Variants in MCIDAS observed in about 807,000 individuals in gnomAD.
The protein encoded by MCIDAS is multicilin.
In MCIDAS, 23 loss-of-function variants were observed where a neutral mutation model predicts 35.4. The observed-to-expected ratio is 0.65, with a 90% confidence interval of 0.47 to 0.92. The LOEUF (loss-of-function observed/expected upper bound fraction) is 0.92. Among genes scored for constraint, MCIDAS ranks in the 40% least tolerant of loss-of-function variants. The probability of loss-of-function intolerance (pLI) is 0.00; values close to 1 mark genes in which losing one functional copy is unlikely to be tolerated. For missense variants in MCIDAS, 480 were observed against 531.8 expected (o/e 0.90, Z 0.96); for synonymous variants, 228 against 235.2 (o/e 0.97, Z 0.28).
At chr5:55,226,796 G>T (rs1165405510) in intron 2 of MCIDAS, 39 bp downstream of exon 2, 2 of 1,386,906 alleles carry the variant, frequency 1.4e-6, no homozygotes, top group Middle Eastern at 2.2e-4. Context: ...CTCCCGGCGC[G>T]GGGAACCCGA....
intron 3 of MCIDAS, among the ~76,000 whole-genome samples, chr5:55,224,263 A>G (rs532438292): frequency 6.6e-6 from 1 of 151,998 alleles, no homozygotes; most frequent in African/African-American, 2.4e-5. Flanking sequence ...GATGCATCCA[A>G]TAGCCCACCA....
At chr5:55,222,552 C>T (rs1745381002) in intron 4 of MCIDAS, among the ~76,000 whole-genome samples, 153 bp from the exon 5 acceptor site, 1 of 152,302 alleles carries the variant, frequency 6.6e-6, no homozygotes, top group South Asian at 2.1e-4. Context: ...CGAGGCCCTT[C>T]CTGATAGCCT....
At chr5:55,221,169 G>T in intron 5 of MCIDAS, 43 bp from the exon 6 acceptor site, 1 of 1,420,072 alleles carries the variant, frequency 7.0e-7, no homozygotes, top group Non-Finnish European at 9.6e-7. Context: ...GTACTGTGCT[G>T]GGTCTCGTCT....
chr5:55,222,142 C>A, intron 5 of MCIDAS, 34 bp downstream of exon 5: 1 of 1,527,456 alleles, frequency 6.5e-7, no homozygotes, highest in South Asian at 1.2e-5. Context: ...TGTCCCTGCC[C>A]CAGGATTCCT....
chr5:55,223,891 C>G lies in MCIDAS; in HGVS notation c.310-868G>C, dbSNP rs1745410010. 6.6e-6 allele frequency among the ~76,000 whole-genome samples: 1 copy of G among 152,188 alleles called. No homozygotes were observed. Among genetic ancestry groups the G allele is most frequent in the African/African-American group, 2.4e-5 (1 of 41,446 alleles). On this transcript the variant is annotated intron_variant, in intron 3 of 6. Transcript: ENST00000513312. The surrounding 1 kb of genome is among the most constrained non-coding windows in gnomAD (Gnocchi z 4.4). ...CTCCAACATTATGAACTGTACTCTC[C>G]CGGCCTCCTGCAGAGTGTCTGGGTG...
At position 55,227,067 on chromosome 5, in the gene MCIDAS, T is replaced by C; in HGVS notation, c.72A>G (p.Ala24=). ...FDSICPNRML[A]LPGRALLCKP... Reference sequence around the variant, plus strand: ...TGCAGAGCAGCGCCCGGCCCGGCAGTGCCAGCATTCTGTTGGGGCAGATGC... The same window carrying C: ...TGCAGAGCAGCGCCCGGCCCGGCAGCGCCAGCATTCTGTTGGGGCAGATGC... Residue 24 remains alanine (A), a synonymous_variant, in exon 1 of 7, where the codon GCA becomes GCG. Transcript: ENST00000513312. The C allele has an allele frequency of 1.3e-6, 2 of 1,520,474 alleles. No homozygotes were observed. The highest frequency in any genetic ancestry group is 1.8e-6 in the Non-Finnish European group (2 of 1,140,740). The allele number at this position is 1,520,474 out of a possible 1,614,324, so 94.2% of individuals were successfully genotyped here.
At position 55,226,951 on chromosome 5, in the gene MCIDAS, T is replaced by C. The variant is rs1420928187; in HGVS notation, c.121-20A>G. ...AGCGAACTGGCCGGGCACACAAACG[T>C]TGAACGCGGGTCAGCCCTCGGGGCA... On this transcript the variant is annotated intron_variant, in intron 1 of 6. Transcript: ENST00000513312. 2.0e-6 allele frequency: 3 copies of C among 1,479,692 alleles called. No homozygotes were observed. The highest frequency in any genetic ancestry group is 2.7e-6 in the Non-Finnish European group (3 of 1,123,712). 91.7% of individuals were successfully genotyped at this position (1,479,692 alleles called of 1,614,324 possible).
Position 55,223,729 on chromosome 5 carries a change from C to T in MCIDAS, c.310-706G>A, listed in dbSNP as rs565085202. ...TAACCGCCCCACCCATGCAACCGAGCGGGAAGAAAGCTGTGATTCGAGGGG... is the reference window on the plus strand; with the variant it reads ...TAACCGCCCCACCCATGCAACCGAGTGGGAAGAAAGCTGTGATTCGAGGGG... On this transcript the variant is annotated intron_variant, in intron 3 of 6. Transcript: ENST00000513312. This position sits in a 1 kb window ranked among gnomAD's most constrained non-coding sequence, Gnocchi z 4.4. 2.6e-5 allele frequency among the ~76,000 whole-genome samples: 4 copies of T among 152,300 alleles called. No individual in the cohort carries two copies. The highest frequency in any genetic ancestry group is 4.1e-4 in the South Asian group (2 of 4,828).
In MCIDAS at chr5:55,222,172, C is replaced by G; in HGVS notation, c.606+4G>C. On this transcript the variant is annotated splice_donor_region_variant and intron_variant, in intron 5 of 6. Coordinates refer to ENST00000513312, the MANE Select transcript of MCIDAS (RefSeq NM_001190787.3). ...ATTCCTGGTCGCCAGACCAGTGTCC[C>G]TACTTGATTATTCTCAACAAGCGCG... is the stretch of plus-strand genomic sequence containing the variant. The G allele has an allele frequency of 1.3e-6, 2 of 1,534,430 alleles. No individual in the cohort carries two copies. Among genetic ancestry groups the G allele is most frequent in the Non-Finnish European group, 1.7e-6 (2 of 1,146,842 alleles).
Position 55,220,814 on chromosome 5 carries a change from A to G in MCIDAS, c.718-8T>C. The G allele has an allele frequency of 1.3e-6, 2 of 1,520,206 alleles. No individual in the cohort carries two copies. The highest frequency in any genetic ancestry group is 1.4e-5 in the African/African-American group (1 of 72,686). 94.2% of individuals were successfully genotyped at this position (1,520,206 alleles called of 1,614,324 possible). On this transcript the variant is annotated splice_polypyrimidine_tract_variant and splice_region_variant and intron_variant, in intron 6 of 6. Coordinates refer to ENST00000513312, the MANE Select transcript of MCIDAS (RefSeq NM_001190787.3). Reference sequence around the variant, plus strand: ...CTGTGTGATCATCAGCTTCTACGAAAGACAGGGAAGAGCGCCGCCCTGGGG... The same window carrying G: ...CTGTGTGATCATCAGCTTCTACGAAGGACAGGGAAGAGCGCCGCCCTGGGG...
In MCIDAS at chr5:55,223,167, C is replaced by T. The variant is rs939989536; in HGVS notation, c.310-144G>A. On this transcript the variant is annotated intron_variant, in intron 3 of 6. Transcript: ENST00000513312. This position sits in a 1 kb window ranked among gnomAD's most constrained non-coding sequence, Gnocchi z 4.4. ...ACTGCACTTGTACCCCTAAGTCCCC[C>T]CAAATAAAACAATTTTTGTGGCGGG... The T allele has an allele frequency of 3.0e-6, 2 of 665,100 alleles. No individual in the cohort carries two copies. Among genetic ancestry groups the T allele is most frequent in the Non-Finnish European group, 5.1e-6 (2 of 393,768 alleles). The allele number at this position is 665,100 out of a possible 1,614,324, so 41.2% of individuals were successfully genotyped here.
Position 55,219,871 on chromosome 5 carries a change from T to A in MCIDAS, c.*495A>T, listed in dbSNP as rs932609193. 1 of 152,310 alleles carries A rather than the reference T, an allele frequency of 6.6e-6. No homozygotes were observed. Among genetic ancestry groups the A allele is most frequent in the African/African-American group, 2.4e-5 (1 of 41,468 alleles). The allele number at this position is 152,310 out of a possible 1,614,324, so 9.4% of individuals were successfully genotyped here. A position where few individuals can be genotyped will look rare whatever the true frequency, so the allele number is the denominator to read the frequency against. Reference sequence around the variant, plus strand: ...TCAATAGTAACAAAATTAGGTGTCCTTTTAGGACGAGGGAAGTTGAGTGAT... The same window carrying A: ...TCAATAGTAACAAAATTAGGTGTCCATTTAGGACGAGGGAAGTTGAGTGAT... On this transcript the variant is annotated 3_prime_UTR_variant, in exon 7 of 7. Transcript: ENST00000513312.
Position 55,223,121 on chromosome 5 carries a change from G to A in MCIDAS, c.310-98C>T. 2.2e-6 allele frequency: 2 copies of A among 925,024 alleles called. No homozygotes were observed. Among genetic ancestry groups the A allele is most frequent in the African/African-American group, 1.6e-5 (1 of 61,128 alleles). The allele number at this position is 925,024 out of a possible 1,614,324, so 57.3% of individuals were successfully genotyped here. A position where few individuals can be genotyped will look rare whatever the true frequency, so the allele number is the denominator to read the frequency against. The stretch of plus-strand genomic sequence containing the variant: ...CTGTTAAAAATCTGGCAGGCACTAT[G>A]CAATATATGCACGTAACACAACTGC... On this transcript the variant is annotated intron_variant, in intron 3 of 6. Coordinates refer to ENST00000513312, the MANE Select transcript of MCIDAS (RefSeq NM_001190787.3). The surrounding 1 kb of genome is among the most constrained non-coding windows in gnomAD (Gnocchi z 4.4).
Position 55,222,254 on chromosome 5 carries a change from G to A in MCIDAS, c.528C>T (p.Pro176=), listed in dbSNP as rs1192071793. The change falls in exon 5 of 7, where the codon CCC becomes CCT. Residue 176 remains proline, a synonymous_variant. Transcript: ENST00000513312. The part of the protein sequence containing the change: ...QSPPLRPPDV[P]PPEQYWKEVA... ...CCTCCTTCCAGTATTGCTCAGGCGGGGGCACGTCTGGAGGGCGCAGCGGTG... is the reference window on the plus strand; with the variant it reads ...CCTCCTTCCAGTATTGCTCAGGCGGAGGCACGTCTGGAGGGCGCAGCGGTG... The A allele has an allele frequency of 1.3e-6, 2 of 1,535,956 alleles. No homozygotes were observed. Among genetic ancestry groups the A allele is most frequent in the African/African-American group, 2.7e-5 (2 of 73,058 alleles).
chr5:55,220,516 G>T lies in MCIDAS; in HGVS notation c.1008C>A (p.Asn336Lys). ...CCTCCTCCAGCTCACTGTGGCTCAG[G>T]TTCAACGCGCTCCGGCTGCAGTCTG... ...LRTDCSRSALNLSHSELEEGG... is the reference protein window; with the variant it reads ...LRTDCSRSALKLSHSELEEGG... The change falls in exon 7 of 7, where the codon AAC becomes AAA. Residue 336 changes from asparagine (N) to lysine (K), a missense_variant. Asn to Lys is a moderately conservative substitution (Grantham distance 94, BLOSUM62 0). Transcript: ENST00000513312. 6.5e-7 allele frequency: 1 copy of T among 1,536,088 alleles called. No homozygotes were observed. Among genetic ancestry groups the T allele is most frequent in the East Asian group, 2.4e-5 (1 of 40,910 alleles).
At chr5:55,226,502 G>C in intron 3 of MCIDAS, 74 bp downstream of exon 3, 2 of 1,417,418 alleles carry the variant, frequency 1.4e-6, no homozygotes, top group Non-Finnish European at 1.9e-6. Flanking sequence ...GAGCTTTTGG[G>C]GAATTAAAAC....
At position 55,227,185 on chromosome 5, in the gene MCIDAS, G is replaced by T; in HGVS notation, c.-47C>A. 7.1e-7 allele frequency: 1 copy of T among 1,403,092 alleles called. No homozygotes were observed. Among genetic ancestry groups the T allele is most frequent in the Non-Finnish European group, 9.2e-7 (1 of 1,087,894 alleles). The allele number at this position is 1,403,092 out of a possible 1,614,324, so 86.9% of individuals were successfully genotyped here. A position where few individuals can be genotyped will look rare whatever the true frequency, so the allele number is the denominator to read the frequency against. On this transcript the variant is annotated 5_prime_UTR_variant, in exon 1 of 7. Coordinates refer to ENST00000513312, the MANE Select transcript of MCIDAS (RefSeq NM_001190787.3). ...CCGACTGCTCGGAGGCGGCGGCCCG[G>T]GCTGGGGCAGCGATCCACACCCTGC... is the stretch of plus-strand genomic sequence containing the variant.
At position 55,227,244 on chromosome 5, in the gene MCIDAS, C is replaced by A. The variant is rs574614425; in HGVS notation, c.-106G>T. On this transcript the variant is annotated 5_prime_UTR_variant, in exon 1 of 7. Transcript: ENST00000513312. ...CAGTGCCTGCAGGCTCCGAAGCCAG[C>A]CAGAGGTTGGGGCAGGCGCGTGACC... 61 of 1,338,006 alleles carry A rather than the reference C, an allele frequency of 4.6e-5. No homozygotes were observed. The South Asian group carries it at 1.1e-3, about 24-fold the overall frequency. The allele number at this position is 1,338,006 out of a possible 1,614,324, so 82.9% of individuals were successfully genotyped here.
chr5:55,224,201 C>T (rs184921094), intron 3 of MCIDAS, among the ~76,000 whole-genome samples: 6 of 151,920 alleles, frequency 3.9e-5, no homozygotes, highest in African/African-American at 9.7e-5. Context: ...TGGCTTCCAC[C>T]GAAGACAGCA....
Sources: gnomAD v4.1 joint callset for allele counts (sites outside exome capture counted in the v4.1 genomes callset) on GRCh38, gnomAD v4.1.1 for gene constraint, Gnocchi (gnomAD v3.1) non-coding constraint, MANE v1.5 for transcripts, NCBI Gene and HGNC (gene_info 2026-07-23, HGNC 2026-07-21) for gene names.